The following HERC4 variants were observed in gnomAD, a reference collection of about 807,000 sequenced individuals.
HERC4 encodes the protein HECT and RLD domain containing E3 ubiquitin protein ligase 4.
In HERC4, 28 loss-of-function variants were observed where a neutral mutation model predicts 124.3. The ratio of observed to expected loss-of-function variants is 0.23; its 90% CI spans 0.17 to 0.31. HERC4 has a LOEUF of 0.31. Among genes scored for constraint, HERC4 ranks in the 10% least tolerant of loss-of-function variants. The pLI is 1.00. For missense variants in HERC4, 713 were observed against 1,229.3 expected, an observed-to-expected ratio of 0.58 and a Z score of 6.28; for synonymous variants, 407 against 421.5, an observed-to-expected ratio of 0.97 and a Z score of 0.42.
intron 15 of HERC4, among the ~76,000 whole-genome samples, chr10:67,982,177 C>T (rs1407561308): frequency 6.6e-6 from 1 of 152,028 alleles, no homozygotes; most frequent in Non-Finnish European, 1.5e-5. Flanking sequence ...GCAAAAAGAA[C>T]AAAACTGCGA....
chr10:67,956,927 G>C lies in HERC4; in HGVS notation c.1976C>G (p.Ala659Gly). Residue 659 changes from alanine to glycine, a missense_variant, in exon 17 of 25, where the codon GCC becomes GGC. Transcript: ENST00000373700. ...CTGTAACAGAGTAGTTTTTGCTTGG[G>C]CATCAAATACAAATGGATATGTACA... ...TICTYPFVFD[A>G]QAKTTLLQTD... The C allele has an allele frequency of 6.2e-7, 1 of 1,601,436 alleles. No individual in the cohort carries two copies. The highest frequency in any genetic ancestry group is 8.5e-7 in the Non-Finnish European group (1 of 1,175,250).
chr10:67,923,150 A>G lies in HERC4; in HGVS notation c.2942-11T>C, dbSNP rs1238463659. ...TACCTGTCAAAAATACTGCCAAGAA[A>G]GAAATCATTCAGTCAACCACTTCAA... On this transcript the variant is annotated splice_polypyrimidine_tract_variant and intron_variant, in intron 24 of 24. Transcript: ENST00000373700. The G allele has an allele frequency of 6.2e-7, 1 of 1,606,774 alleles. No individual in the cohort carries two copies. The highest frequency in any genetic ancestry group is 1.7e-5 in the Admixed American group (1 of 59,480).
intron 5 of HERC4, among the ~76,000 whole-genome samples, chr10:68,036,527 T>A (rs1481542307): frequency 2.6e-5 from 4 of 152,142 alleles, no homozygotes; most frequent in African/African-American, 7.2e-5. Flanking sequence ...CCTAACTGCC[T>A]ATAGAAGTCC....
intron 23 of HERC4, among the ~76,000 whole-genome samples, chr10:67,928,602 G>C (rs2031417349): frequency 6.6e-6 from 1 of 152,018 alleles, no homozygotes; most frequent in South Asian, 2.1e-4. Context: ...ACCAATTCTT[G>C]AGCCTTTCAG....
intron 2 of HERC4, 76 bp from the exon 3 acceptor site, chr10:68,073,262 CAAT>C: frequency 1.7e-6 from 1 of 599,706 alleles, no homozygotes; most frequent in East Asian, 2.8e-5. Flanking sequence ...TGCTAGGCTA[CAAT>C]AATTGCTACA....
intron 9 of HERC4, among the ~76,000 whole-genome samples, chr10:68,005,851 G>A (rs146512736): frequency 9.7e-4 from 147 of 152,078 alleles, no homozygotes; most frequent in Non-Finnish European, 1.6e-3. Context: ...ATGGGCATGT[G>A]CCATGATGCC....
chr10:67,984,148 A>G (rs1050202500), intron 15 of HERC4, among the ~76,000 whole-genome samples: 9 of 151,438 alleles, frequency 5.9e-5, no homozygotes, highest in African/African-American at 1.9e-4. Context: ...CTAAAAATAC[A>G]AAAAATTAGC....
At chr10:68,019,907 C>G (rs887745863) in intron 8 of HERC4, among the ~76,000 whole-genome samples, 1 of 152,218 alleles carries the variant, frequency 6.6e-6, no homozygotes, top group South Asian at 2.1e-4. Context: ...CTCTCCCATT[C>G]TGGCTAAAGA....
At position 68,025,531 on chromosome 10, in the gene HERC4, T is replaced by C. The variant is rs1385203214; in HGVS notation, c.908+15A>G. Reference sequence around the variant, plus strand: ...CAGTTTAGAGACCAAAATGCTCTTTTACATAACACCTTACCGTCCACAAGC... The same window carrying C: ...CAGTTTAGAGACCAAAATGCTCTTTCACATAACACCTTACCGTCCACAAGC... On this transcript the variant is annotated intron_variant, in intron 8 of 24. Coordinates refer to ENST00000373700, the MANE Select transcript of HERC4 (RefSeq NM_015601.4). 3 of 1,606,162 alleles carry C rather than the reference T, an allele frequency of 1.9e-6. No homozygotes were observed. The highest frequency in any genetic ancestry group is 2.6e-6 in the Non-Finnish European group (3 of 1,176,082).
chr10:68,059,588 C>CATAATATTATATATCATA (rs1422872478), intron 3 of HERC4, among the ~76,000 whole-genome samples: 2 of 82,012 alleles, frequency 2.4e-5, no homozygotes, highest in Non-Finnish European at 4.1e-5. Flanking sequence ...TATTATATAT[C>CATAATATTATATATCATA]ATATTATATA....
chr10:68,041,740 T>C (rs184441258), intron 4 of HERC4, among the ~76,000 whole-genome samples: 4 of 152,310 alleles, frequency 2.6e-5, no homozygotes, highest in Admixed American at 2.6e-4. Flanking sequence ...TTTGGGTCAA[T>C]TTTTTAAATA....
In HERC4 at chr10:68,034,018, A is replaced by G. The variant is rs1404674551; in HGVS notation, c.632T>C (p.Ile211Thr). Residue 211 changes from isoleucine (I) to threonine (T), a missense_variant, in exon 6 of 25, where the codon ATC becomes ACC. Ile to Thr is a moderately conservative substitution (Grantham distance 89). Transcript: ENST00000373700. ...AAACTTGTTGCGTCCCCATCCAAAG[A>G]TAGCTCCAGAAAGGGTGAGTACAAA... ...HSFVLTLSGAIFGWGRNKFGQ... is the reference protein window; with the variant it reads ...HSFVLTLSGATFGWGRNKFGQ... 6.2e-7 allele frequency: 1 copy of G among 1,614,006 alleles called. No homozygotes were observed. Among genetic ancestry groups the G allele is most frequent in the East Asian group, 2.2e-5 (1 of 44,874 alleles).
chr10:67,926,969 A>T lies in HERC4; in HGVS notation c.2839-1782T>A, dbSNP rs374828446. On this transcript the variant is annotated intron_variant, in intron 23 of 24. Transcript: ENST00000373700. ...TCTTGCATGGTTTCAGCTGTACATT[A>T]TCCGGCACACAGTAGAGGCTCAATA... Among the ~76,000 whole-genome samples the T allele has an allele frequency of 1.2e-4, 18 of 152,326 alleles. No homozygotes were observed. The South Asian group carries it at 3.5e-3, about 30-fold the overall frequency.
intron 4 of HERC4, among the ~76,000 whole-genome samples, chr10:68,041,153 A>G (rs1411415849): frequency 6.6e-6 from 1 of 152,180 alleles, no homozygotes; most frequent in Non-Finnish European, 1.5e-5. Flanking sequence ...ACTAATGTTT[A>G]GTAAAAAGTT....
At chr10:68,025,960 A>G (rs1371292249) in intron 7 of HERC4, among the ~76,000 whole-genome samples, 1 of 152,220 alleles carries the variant, frequency 6.6e-6, no homozygotes, top group African/African-American at 2.4e-5. Flanking sequence ...GTCTTGCTGA[A>G]TTCCACATAC....
chr10:67,967,799 A>G (rs1166337029), intron 15 of HERC4, among the ~76,000 whole-genome samples: 3 of 152,194 alleles, frequency 2.0e-5, no homozygotes, highest in Non-Finnish European at 1.5e-5. Flanking sequence ...TACAAGGGAT[A>G]GAGGAACAAG....
intron 9 of HERC4, chr10:68,010,964 C>T: frequency 1.1e-6 from 1 of 926,884 alleles, no homozygotes; most frequent in Non-Finnish European, 1.7e-6. Context: ...TTATTTCCAC[C>T]ATATCTATAG....
At chr10:67,931,226 C>T (rs1017594013) in intron 23 of HERC4, among the ~76,000 whole-genome samples, 9 of 151,486 alleles carry the variant, frequency 5.9e-5, no homozygotes, top group East Asian at 3.9e-4. Context: ...CCTCGTGATC[C>T]GCCCGCCTCG....
intron 19 of HERC4, among the ~76,000 whole-genome samples, chr10:67,950,713 C>T (rs1257100026): frequency 6.6e-6 from 1 of 152,162 alleles, no homozygotes; most frequent in Non-Finnish European, 1.5e-5. Flanking sequence ...TTAGAAGTAT[C>T]AGTTTGATTT....
Sources: gnomAD v4.1 joint callset for allele counts (sites outside exome capture counted in the v4.1 genomes callset) on GRCh38, gnomAD v4.1.1 for gene constraint, MANE v1.5 for transcripts, NCBI Gene and HGNC (gene_info 2026-07-23, HGNC 2026-07-21) for gene names.